UBR4: variants seen among roughly 807,000 people sequenced by gnomAD.
The protein encoded by UBR4 is E3 ubiquitin-protein ligase UBR4.
A neutral mutation model predicts 575.6 loss-of-function variants in UBR4; 124 were observed. That is an observed-to-expected ratio of 0.22 (90% confidence interval 0.19 to 0.25). The LOEUF (loss-of-function observed/expected upper bound fraction) is 0.25, where lower values mean the gene tolerates loss of function less well. UBR4 is among the 10% of genes least tolerant of loss of function. The pLI, the probability that UBR4 is intolerant of heterozygous loss-of-function variation, is 1.00. For missense variants in UBR4, 4,818 were observed against 6,478.8 expected (o/e 0.74, Z 8.80); for synonymous variants, 2,455 against 2,473.7 (o/e 0.99, Z 0.22).
chr1:19,138,667 T>C (rs1275452037), intron 59 of UBR4, among the ~76,000 whole-genome samples: 1 of 150,486 alleles, frequency 6.6e-6, no homozygotes, highest in African/African-American at 2.5e-5. Context: ...AACAATAAGA[T>C]CGCTTAAAAA....
At chr1:19,081,776 C>T (rs1335182405) in intron 102 of UBR4, 5 of 717,308 alleles carry the variant, frequency 7.0e-6, no homozygotes, top group East Asian at 2.7e-5. Context: ...GGCCCTTCTT[C>T]GCGGCATCTT....
At chr1:19,180,091 CAG>C (rs1177724877) in intron 17 of UBR4, among the ~76,000 whole-genome samples, 1 of 152,118 alleles carries the variant, frequency 6.6e-6, no homozygotes, top group African/African-American at 2.4e-5. Flanking sequence ...ATGTGCCAGG[CAG>C]AGACAGGAAG....
chr1:19,131,046 C>T (rs961924429), intron 60 of UBR4, among the ~76,000 whole-genome samples: 5 of 151,772 alleles, frequency 3.3e-5, no homozygotes, highest in African/African-American at 1.2e-4. Context: ...GTAGCTGGTA[C>T]CACTGGCGCA....
chr1:19,110,267 C>T lies in UBR4; in HGVS notation c.11978-44G>A, dbSNP rs554032948. On this transcript the variant is annotated intron_variant, in intron 80 of 105. Transcript: ENST00000375254. The surrounding 1 kb of genome is among the most constrained non-coding windows in gnomAD (Gnocchi z 4.5). ...GGCAGAGTCACAATCAGGAACACTA[C>T]ACATCTGCTCTGCAGAGGCCGCCCA... The T allele has an allele frequency of 3.1e-6, 5 of 1,614,004 alleles. No individual in the cohort carries two copies. The highest frequency in any genetic ancestry group is 2.2e-5 in the East Asian group (1 of 44,872).
rs1413892459 is a variant in UBR4 at position 19,176,689 on chromosome 1, T to C, written c.2676A>G (p.Ala892=). ...HNLLSPPFGW[A]SGSQDSNSRR... ...GGCTGTTGCTGTCCTGGGATCCACTTGCCCACCCAAAGGGAGGACTTAGCA... is the reference window on the plus strand; with the variant it reads ...GGCTGTTGCTGTCCTGGGATCCACTCGCCCACCCAAAGGGAGGACTTAGCA... Residue 892 remains alanine (A), a synonymous_variant, in exon 20 of 106, where the codon GCA becomes GCG. Transcript: ENST00000375254. The C allele has an allele frequency of 9.3e-6, 15 of 1,614,004 alleles. No individual in the cohort carries two copies. Among genetic ancestry groups the C allele is most frequent in the Admixed American group, 1.7e-5 (1 of 60,016 alleles).
chr1:19,132,605 T>TAAAAAAAAAAAAAAAAAAAAAAAAAAA, intron 60 of UBR4, among the ~76,000 whole-genome samples: 3 of 24,134 alleles, frequency 1.2e-4, no homozygotes, highest in Admixed American at 1.0e-3. Context: ...TAAAAAATGG[T>TAAAAAAAAAAAAAAAAAAAAAAAAAAA]AAAAAAAAAA....
Position 19,089,060 on chromosome 1 carries a change from C to G in UBR4, c.14212-83G>C. 7.3e-7 allele frequency: 1 copy of G among 1,374,486 alleles called. No individual in the cohort carries two copies. Among genetic ancestry groups the G allele is most frequent in the Non-Finnish European group, 1.0e-6 (1 of 992,250 alleles). 85.1% of individuals were successfully genotyped at this position (1,374,486 alleles called of 1,614,324 possible). Reference sequence around the variant, plus strand: ...CCGGGAGCTTAAAGGTTTAGAAACTCAACCAGCATGCACCATCTCATGTCA... The same window carrying G: ...CCGGGAGCTTAAAGGTTTAGAAACTGAACCAGCATGCACCATCTCATGTCA... On this transcript the variant is annotated intron_variant, in intron 97 of 105. Coordinates refer to ENST00000375254, the MANE Select transcript of UBR4 (RefSeq NM_020765.3). The surrounding 1 kb of genome is among the most constrained non-coding windows in gnomAD (Gnocchi z 4.3).
chr1:19,119,822 G>T, intron 69 of UBR4, 121 bp from the exon 70 acceptor site: 1 of 1,341,020 alleles, frequency 7.5e-7, no homozygotes, highest in Non-Finnish European at 1.0e-6. Flanking sequence ...GAACGGTTTT[G>T]TTTCACTTTT....
chr1:19,103,452 T>TG (rs779524596), intron 87 of UBR4, among the ~76,000 whole-genome samples: 58 of 152,246 alleles, frequency 3.8e-4, no homozygotes, highest in Non-Finnish European at 7.1e-4. Flanking sequence ...TAATCCCAGC[T>TG]ACTCAGTAAG....
chr1:19,141,325 T>C (rs1302241986), intron 57 of UBR4, 22 bp downstream of exon 57: 3 of 1,614,034 alleles, frequency 1.9e-6, no homozygotes, highest in Non-Finnish European at 2.5e-6. Flanking sequence ...TGGGCCGCTT[T>C]GTTCTTGGCA....
At chr1:19,183,761 G>C (rs1478893422) in intron 17 of UBR4, 50 bp downstream of exon 17, 2 of 1,558,440 alleles carry the variant, frequency 1.3e-6, no homozygotes, top group Non-Finnish European at 1.8e-6. Flanking sequence ...TGCAGCCTAT[G>C]GAAGCTGGTG....
Position 19,093,878 on chromosome 1 carries a change from T to G in UBR4, c.13937+71A>C. On this transcript the variant is annotated intron_variant, in intron 95 of 105. Transcript: ENST00000375254. This position sits in a 1 kb window ranked among gnomAD's most constrained non-coding sequence, Gnocchi z 4.8. ...TAATAGGTATTCAGAGGATTCTTCC[T>G]CATCTCACAGACCTAGTTCGGCGTT... 2 of 1,507,018 alleles carry G rather than the reference T, an allele frequency of 1.3e-6. No individual in the cohort carries two copies. The highest frequency in any genetic ancestry group is 1.8e-6 in the Non-Finnish European group (2 of 1,114,436). The allele number at this position is 1,507,018 out of a possible 1,614,324, so 93.4% of individuals were successfully genotyped here. A position where few individuals can be genotyped will look rare whatever the true frequency, so the allele number is the denominator to read the frequency against.
rs2077719368 is a variant in UBR4 at position 19,093,363 on chromosome 1, G to A, written c.14061C>T (p.Ile4687=). The A allele has an allele frequency of 6.2e-7, 1 of 1,614,216 alleles. No individual in the cohort carries two copies. The highest frequency in any genetic ancestry group is 8.5e-7 in the Non-Finnish European group (1 of 1,180,044). ...TCATGTAGTCAAGTGCATTCTGGGTGATCCCCTTCTGGAGAATCAGATCCT... is the reference window on the plus strand; with the variant it reads ...TCATGTAGTCAAGTGCATTCTGGGTAATCCCCTTCTGGAGAATCAGATCCT... The part of the protein sequence containing the change: ...QLKDLILQKG[I]TQNALDYMKK... Residue 4687 remains isoleucine (I), a synonymous_variant, in exon 96 of 106, where the codon ATC becomes ATT. Transcript: ENST00000375254. This position sits in a 1 kb window ranked among gnomAD's most constrained non-coding sequence, Gnocchi z 4.8.
intron 101 of UBR4, 89 bp from the exon 102 acceptor site, chr1:19,084,787 A>G (rs2076845751): frequency 7.8e-7 from 1 of 1,282,952 alleles, no homozygotes; most frequent in Non-Finnish European, 1.1e-6. Flanking sequence ...CAGTACTCCC[A>G]GGCCTGATGG....
At position 19,184,245 on chromosome 1, in the gene UBR4, C is replaced by T. The variant is rs1371335388; in HGVS notation, c.1939-70G>A. ...CCAGCGTTCCTATAAACTCTGATTA[C>T]AAATAGAAAATAAAATATGCTCATA... On this transcript the variant is annotated intron_variant, in intron 15 of 105. Coordinates refer to ENST00000375254, the MANE Select transcript of UBR4 (RefSeq NM_020765.3). 5.3e-6 allele frequency: 8 copies of T among 1,498,160 alleles called. No homozygotes were observed. In the African/African-American group the frequency reaches 9.9e-5, roughly 18 times the overall value. The allele number at this position is 1,498,160 out of a possible 1,614,324, so 92.8% of individuals were successfully genotyped here. A position where few individuals can be genotyped will look rare whatever the true frequency, so the allele number is the denominator to read the frequency against.
chr1:19,194,444 C>T (rs2092323632), intron 8 of UBR4, among the ~76,000 whole-genome samples: 1 of 152,142 alleles, frequency 6.6e-6, no homozygotes, highest in African/African-American at 2.4e-5. Context: ...GTTATAATCG[C>T]TCCACTGCAC....
At chr1:19,189,646 C>T (rs947964789) in intron 11 of UBR4, among the ~76,000 whole-genome samples, 1 of 152,162 alleles carries the variant, frequency 6.6e-6, no homozygotes, top group Non-Finnish European at 1.5e-5. Flanking sequence ...TTTTACCTTT[C>T]CTATTTATGT....
At chr1:19,142,416 G>A (rs1055502388) in intron 55 of UBR4, among the ~76,000 whole-genome samples, 11 of 152,184 alleles carry the variant, frequency 7.2e-5, no homozygotes, top group Non-Finnish European at 1.6e-4. Flanking sequence ...CCTTCCACTC[G>A]ATGGATTGCT....
In UBR4 at chr1:19,110,099, G is replaced by A; in HGVS notation, c.12102C>T (p.Asn4034=). The part of the protein sequence containing the change: ...IKPPAPTSKK[N]KDVPVEALTT... ...AGACCCCTGCTTGGCCCAGTACCTT[G>A]TTCTTCTTGCTAGTGGGAGCAGGTG... The change falls in exon 81 of 106, where the codon AAC becomes AAT. Residue 4034 remains asparagine, a synonymous_variant. Coordinates refer to ENST00000375254, the MANE Select transcript of UBR4 (RefSeq NM_020765.3). The surrounding 1 kb of genome is among the most constrained non-coding windows in gnomAD (Gnocchi z 4.5). The A allele has an allele frequency of 6.2e-7, 1 of 1,614,118 alleles. No individual in the cohort carries two copies. The highest frequency in any genetic ancestry group is 2.2e-5 in the East Asian group (1 of 44,878).
Sources: allele counts gnomAD v4.1 joint callset (sites outside exome capture counted in the v4.1 genomes callset), GRCh38; gene constraint gnomAD v4.1.1; non-coding constraint Gnocchi (gnomAD v3.1); transcripts MANE v1.5; gene names NCBI Gene and HGNC (gene_info 2026-07-23, HGNC 2026-07-21).